Variants in HADHB observed in about 807,000 individuals in gnomAD.
HADHB encodes the protein hydroxyacyl-CoA dehydrogenase trifunctional multienzyme complex subunit beta, also known as trifunctional enzyme subunit beta, mitochondrial.
HADHB carries 50 observed loss-of-function variants against 61.9 expected under a neutral mutation model. The ratio of observed to expected loss-of-function variants is 0.81; its 90% CI spans 0.64 to 1.02. The LOEUF (loss-of-function observed/expected upper bound fraction) is 1.02. HADHB is among the 50% of genes least tolerant of loss of function. The pLI is 0.00. For missense variants in HADHB, 504 were observed against 586.5 expected, an observed-to-expected ratio of 0.86 and a Z score of 1.45; for synonymous variants, 191 against 201.6, an observed-to-expected ratio of 0.95 and a Z score of 0.45.
At chr2:26,282,583 A>G (rs1257518033) in intron 10 of HADHB, among the ~76,000 whole-genome samples, 1 of 152,108 alleles carries the variant, frequency 6.6e-6, no homozygotes, top group East Asian at 1.9e-4. Flanking sequence ...ATTTATTTCT[A>G]AAGTTACCTC....
chr2:26,269,890 G>C (rs996837679), intron 4 of HADHB, 63 bp from the exon 5 acceptor site: 19 of 1,044,126 alleles, frequency 1.8e-5, no homozygotes, highest in South Asian at 1.4e-4. Flanking sequence ...ATTTCAAATA[G>C]AATGAAAATT....
At chr2:26,246,056 G>A (rs1300642717) in intron 1 of HADHB, among the ~76,000 whole-genome samples, 1 of 152,146 alleles carries the variant, frequency 6.6e-6, no homozygotes, top group Non-Finnish European at 1.5e-5. Flanking sequence ...GTTGCATAGT[G>A]AGTGCTCATC....
intron 4 of HADHB, among the ~76,000 whole-genome samples, chr2:26,266,542 A>G (rs1199035612): frequency 2.0e-5 from 3 of 152,106 alleles, no homozygotes; most frequent in African/African-American, 4.8e-5. Flanking sequence ...AAGTCTGTCA[A>G]TCATTCAGGT....
At chr2:26,287,711 G>C (rs997939694) in intron 15 of HADHB, among the ~76,000 whole-genome samples, 1 of 152,212 alleles carries the variant, frequency 6.6e-6, no homozygotes, top group African/African-American at 2.4e-5. Context: ...AGACAGAGGA[G>C]AAATCCATCG....
At chr2:26,288,970 G>C (rs1464596567) in intron 15 of HADHB, among the ~76,000 whole-genome samples, 1 of 152,040 alleles carries the variant, frequency 6.6e-6, no homozygotes, top group Non-Finnish European at 1.5e-5. Flanking sequence ...TTCTACTTCT[G>C]GCCGGGCACA....
intron 5 of HADHB, among the ~76,000 whole-genome samples, chr2:26,271,147 G>A (rs944682382): frequency 2.3e-4 from 34 of 147,698 alleles, no homozygotes; most frequent in African/African-American, 7.5e-4. Context: ...CGCCCTCCTC[G>A]GCCTCCCAAA....
At chr2:26,262,494 A>G (rs1671905800) in intron 3 of HADHB, among the ~76,000 whole-genome samples, 1 of 152,196 alleles carries the variant, frequency 6.6e-6, no homozygotes. Flanking sequence ...AGGGAACTTT[A>G]GTTTTTACTC....
chr2:26,290,086 A>T lies in HADHB; in HGVS notation c.*133A>T. The T allele has an allele frequency of 1.3e-6, 1 of 772,734 alleles. No homozygotes were observed. The highest frequency in any genetic ancestry group is 2.5e-5 in the East Asian group (1 of 40,762). The allele number at this position is 772,734 out of a possible 1,614,324, so 47.9% of individuals were successfully genotyped here. A position where few individuals can be genotyped will look rare whatever the true frequency, so the allele number is the denominator to read the frequency against. On this transcript the variant is annotated 3_prime_UTR_variant, in exon 16 of 16. Coordinates refer to ENST00000317799, the MANE Select transcript of HADHB (RefSeq NM_000183.3). ...AACAGTTCTTGTGGCCTTCTATTAA[A>T]TAGTTTGCACTTAAGCCTTGCCAGT...
chr2:26,248,377 G>A (rs570939286), intron 1 of HADHB, among the ~76,000 whole-genome samples: 2 of 151,732 alleles, frequency 1.3e-5, no homozygotes, highest in Non-Finnish European at 2.9e-5. Context: ...TGAACACCTT[G>A]AGTATTTCTT....
In HADHB at chr2:26,251,856, G is replaced by A. The variant is rs139375917; in HGVS notation, c.-8-2391G>A. 9.7e-4 allele frequency among the ~76,000 whole-genome samples: 147 copies of A among 152,274 alleles called. 1 individual carries two copies. Among genetic ancestry groups the A allele is most frequent in the African/African-American group, 3.4e-3 (142 of 41,552 alleles). Reference sequence around the variant, plus strand: ...TAAAGCTTTTGTATTATCTATTTCTGTGTAGCCAATTACCGCCAAATGTAG... The same window carrying A: ...TAAAGCTTTTGTATTATCTATTTCTATGTAGCCAATTACCGCCAAATGTAG... On this transcript the variant is annotated intron_variant, in intron 1 of 15. Transcript: ENST00000317799.
chr2:26,256,250 A>G (rs913044274), intron 3 of HADHB, among the ~76,000 whole-genome samples: 1 of 152,248 alleles, frequency 6.6e-6, no homozygotes, highest in Non-Finnish European at 1.5e-5. Flanking sequence ...GGAAGCAGGC[A>G]TGTGCCTGTG....
intron 4 of HADHB, among the ~76,000 whole-genome samples, chr2:26,269,330 G>T (rs538512124): frequency 7.2e-5 from 11 of 152,168 alleles, no homozygotes; most frequent in African/African-American, 2.2e-4. Context: ...AAGTAGCTAG[G>T]ACTACAGATC....
chr2:26,260,861 C>T (rs1237488761), intron 3 of HADHB: 2 of 618,458 alleles, frequency 3.2e-6, no homozygotes, highest in Non-Finnish European at 5.7e-6. Context: ...CTTATTTGCT[C>T]ACTTATGGTT....
chr2:26,250,554 C>T (rs2147796879), intron 1 of HADHB, among the ~76,000 whole-genome samples: 1 of 151,968 alleles, frequency 6.6e-6, no homozygotes, highest in Non-Finnish European at 1.5e-5. Context: ...TTCTCTGAGG[C>T]TGGATATGGT....
In HADHB at chr2:26,281,542, A is replaced by G. The variant is rs144750248; in HGVS notation, c.934-1303A>G. On this transcript the variant is annotated intron_variant, in intron 10 of 15. Transcript: ENST00000317799. ...ATGTGGCATGGACTACACTTGCCAG[A>G]TCTGAATCCTTTTGATTATTTCCAG... Among the ~76,000 whole-genome samples the G allele has an allele frequency of 1.4e-4, 21 of 152,294 alleles. No individual in the cohort carries two copies. In the East Asian group the frequency reaches 3.9e-3, roughly 28 times the overall value.
At chr2:26,285,315 C>A in intron 14 of HADHB, 92 bp from the exon 15 acceptor site, 2 of 1,079,914 alleles carry the variant, frequency 1.9e-6, no homozygotes, top group South Asian at 1.3e-5. Context: ...ACGTATTTTC[C>A]TCTATCTCTC....
chr2:26,286,372 G>A (rs1240418314), intron 15 of HADHB, among the ~76,000 whole-genome samples: 1 of 152,150 alleles, frequency 6.6e-6, no homozygotes, highest in Non-Finnish European at 1.5e-5. Flanking sequence ...ACTTACTGCT[G>A]TTCAGCTGGG....
chr2:26,261,217 C>CT (rs1277268228), intron 3 of HADHB: 5 of 473,856 alleles, frequency 1.1e-5, no homozygotes, highest in Admixed American at 7.3e-5. Context: ...CAAATACCCC[C>CT]CCCCCATCCA....
intron 3 of HADHB, among the ~76,000 whole-genome samples, chr2:26,262,545 G>A (rs1294149087): frequency 1.3e-5 from 2 of 152,100 alleles, no homozygotes; most frequent in African/African-American, 4.8e-5. Flanking sequence ...AAAAACCATA[G>A]GCACACATTT....
Sources: gnomAD v4.1 joint callset for allele counts (sites outside exome capture counted in the v4.1 genomes callset) on GRCh38, gnomAD v4.1.1 for gene constraint, MANE v1.5 for transcripts, NCBI Gene and HGNC (gene_info 2026-07-23, HGNC 2026-07-21) for gene names.